The following C10orf90 variants were observed in gnomAD, a reference collection of about 807,000 sequenced individuals.
The protein encoded by C10orf90 is chromosome 10 open reading frame 90, also known as (E2-independent) E3 ubiquitin-conjugating enzyme FATS.
A neutral mutation model predicts 62.5 loss-of-function variants in C10orf90; 56 were observed. The observed-to-expected ratio is 0.90, with a 90% CI of 0.72 to 1.12. C10orf90 has a LOEUF of 1.12. C10orf90 is among the 50% of genes most tolerant of loss of function. The pLI is 0.00. For missense variants in C10orf90, 970 were observed against 880.4 expected (o/e 1.10, Z -1.29); for synonymous variants, 386 against 340.4 (o/e 1.13, Z -1.47).
At chr10:126,426,390 C>T (rs1857266225) in intron 8 of C10orf90, among the ~76,000 whole-genome samples, 1 of 152,198 alleles carries the variant, frequency 6.6e-6, no homozygotes, top group Admixed American at 6.5e-5. Context: ...TTTTGTCCTT[C>T]CATTCTCTAT....
intron 2 of C10orf90, among the ~76,000 whole-genome samples, chr10:126,610,888 ACTT>A (rs1203993471): frequency 6.6e-6 from 1 of 151,830 alleles, no homozygotes; most frequent in Non-Finnish European, 1.5e-5. Flanking sequence ...CCCAGACACA[ACTT>A]CTTGTAACTG....
At chr10:126,664,005 G>C (rs776048559) in intron 1 of C10orf90, among the ~76,000 whole-genome samples, 8 of 152,102 alleles carry the variant, frequency 5.3e-5, no homozygotes, top group Non-Finnish European at 1.2e-4. Flanking sequence ...TAGCTTTATC[G>C]TGAGGGAATC....
chr10:126,508,964 C>T (rs7087986), intron 3 of C10orf90, among the ~76,000 whole-genome samples: 132,510 of 152,128 alleles, frequency 0.87, 57,758 homozygotes, highest in Middle Eastern at 0.9. Context: ...ACGTCTGGAC[C>T]GAGCCCTGAA....
chr10:126,541,861 C>T (rs1170929204), intron 2 of C10orf90, among the ~76,000 whole-genome samples: 1 of 152,192 alleles, frequency 6.6e-6, no homozygotes, highest in African/African-American at 2.4e-5. Flanking sequence ...AACAGGGGTA[C>T]ATACTTTCAC....
intron 2 of C10orf90, among the ~76,000 whole-genome samples, chr10:126,521,712 A>T (rs1258146079): frequency 2.0e-5 from 3 of 152,186 alleles, no homozygotes; most frequent in Admixed American, 6.5e-5. Context: ...CTTGTTACCA[A>T]TTTTTTTACA....
chr10:126,547,103 C>G (rs59095390), intron 2 of C10orf90, among the ~76,000 whole-genome samples: 1 of 146,498 alleles, frequency 6.8e-6, no homozygotes, highest in Non-Finnish European at 1.5e-5. Flanking sequence ...AGCGAGACTC[C>G]GTCTCCAACC....
intron 2 of C10orf90, among the ~76,000 whole-genome samples, chr10:126,571,334 C>T (rs1198028949): frequency 3.3e-5 from 5 of 152,316 alleles, no homozygotes; most frequent in East Asian, 1.9e-4. Context: ...ACCAGGGCAA[C>T]GATTTGTCTC....
intron 4 of C10orf90, among the ~76,000 whole-genome samples, chr10:126,494,916 G>A (rs748891421): frequency 6.6e-6 from 1 of 152,168 alleles, no homozygotes; most frequent in Non-Finnish European, 1.5e-5. Context: ...GCCCTCATAG[G>A]GACCTTAACG....
In C10orf90 at chr10:126,667,603, C is replaced by G. The variant is rs563172911; in HGVS notation, c.240+2638G>C. 5.3e-5 allele frequency among the ~76,000 whole-genome samples: 8 copies of G among 152,278 alleles called. 1 individual carries two copies. The highest frequency in any genetic ancestry group is 1.9e-4 in the African/African-American group (8 of 41,556). On this transcript the variant is annotated intron_variant, in intron 1 of 9. Transcript: ENST00000488181. ...GGTCTCCACAATCAATCAGGAGATGCTCACTTACATTCACACCATAGGAGA... is the reference window on the plus strand; with the variant it reads ...GGTCTCCACAATCAATCAGGAGATGGTCACTTACATTCACACCATAGGAGA...
chr10:126,491,068 A>G (rs1269244157), intron 4 of C10orf90, among the ~76,000 whole-genome samples: 4 of 152,366 alleles, frequency 2.6e-5, no homozygotes, highest in Non-Finnish European at 4.4e-5. Flanking sequence ...TCAGTCATTT[A>G]TACTAGCATT....
chr10:126,576,392 G>A (rs1591113603), intron 2 of C10orf90, among the ~76,000 whole-genome samples: 1 of 151,846 alleles, frequency 6.6e-6, no homozygotes, highest in East Asian at 1.9e-4. Flanking sequence ...AGTTAAAATG[G>A]CTACTATCAA....
chr10:126,607,157 C>T (rs1845330022), intron 2 of C10orf90, among the ~76,000 whole-genome samples: 1 of 152,304 alleles, frequency 6.6e-6, no homozygotes, highest in South Asian at 2.1e-4. Context: ...TATCAGTCAT[C>T]ACACTCTTTA....
chr10:126,429,154 G>T (rs1857428812), intron 8 of C10orf90, among the ~76,000 whole-genome samples: 1 of 152,094 alleles, frequency 6.6e-6, no homozygotes. Flanking sequence ...ATTATATTTT[G>T]GTTAAGAGGC....
intron 4 of C10orf90, among the ~76,000 whole-genome samples, chr10:126,465,413 T>A (rs889543112): frequency 1.3e-5 from 2 of 151,220 alleles, no homozygotes; most frequent in East Asian, 1.9e-4. Context: ...ATCTTTTATA[T>A]AATTTATATG....
Position 126,523,081 on chromosome 10 carries a change from T to G in C10orf90, c.314-9142A>C, listed in dbSNP as rs1417390735. 6.6e-5 allele frequency: 10 copies of G among 152,342 alleles called. No individual in the cohort carries two copies. In the East Asian group the frequency reaches 1.9e-3, roughly 29 times the overall value. 9.4% of individuals were successfully genotyped at this position (152,342 alleles called of 1,614,324 possible). A position where few individuals can be genotyped will look rare whatever the true frequency, so the allele number is the denominator to read the frequency against. ...CATAGTTTCCATCTCTCTCAGAAAA[T>G]TATGGTTTATAATAAAGACATTTTA... On this transcript the variant is annotated intron_variant, in intron 2 of 9. Transcript: ENST00000488181.
At chr10:126,588,003 A>G (rs944999256) in intron 2 of C10orf90, among the ~76,000 whole-genome samples, 2 of 152,204 alleles carry the variant, frequency 1.3e-5, no homozygotes, top group Non-Finnish European at 2.9e-5. Flanking sequence ...CCCCAATCCT[A>G]TGGCTCCTTA....
At chr10:126,489,997 TTATA>T (rs1861639606) in intron 4 of C10orf90, among the ~76,000 whole-genome samples, 1 of 95,776 alleles carries the variant, frequency 1.0e-5, no homozygotes, top group African/African-American at 4.2e-5. Context: ...ATAATATATA[TTATA>T]TATTATATAT....
At chr10:126,611,361 T>C (rs1845429862) in intron 2 of C10orf90, among the ~76,000 whole-genome samples, 1 of 152,250 alleles carries the variant, frequency 6.6e-6, no homozygotes, top group Non-Finnish European at 1.5e-5. Flanking sequence ...TAATATTCTG[T>C]TGTATAGATG....
At chr10:126,500,100 T>C (rs1267319348) in intron 4 of C10orf90, among the ~76,000 whole-genome samples, 1 of 152,222 alleles carries the variant, frequency 6.6e-6, no homozygotes, top group Non-Finnish European at 1.5e-5. Flanking sequence ...TAAAATGATA[T>C]GGCTTATTAC....
Sources: allele counts gnomAD v4.1 joint callset (sites outside exome capture counted in the v4.1 genomes callset), GRCh38; gene constraint gnomAD v4.1.1; transcripts MANE v1.5; gene names NCBI Gene and HGNC (gene_info 2026-07-23, HGNC 2026-07-21).